ZFR: variants seen among roughly 807,000 people sequenced by gnomAD.
ZFR encodes the protein zinc finger RNA-binding protein.
A neutral mutation model predicts 130.7 loss-of-function variants in ZFR; 19 were observed. The ratio of observed to expected loss-of-function variants is 0.15; its 90% CI spans 0.10 to 0.21. ZFR has a LOEUF of 0.21. ZFR is among the 10% of genes least tolerant of loss of function. The pLI is 1.00. For missense variants in ZFR, 872 were observed against 1,321.5 expected, an observed-to-expected ratio of 0.66 and a Z score of 5.27; for synonymous variants, 466 against 456.9, an observed-to-expected ratio of 1.02 and a Z score of -0.25.
intron 19 of ZFR, among the ~76,000 whole-genome samples, chr5:32,356,665 C>T (rs568390334): frequency 3.8e-4 from 58 of 152,182 alleles, no homozygotes; most frequent in African/African-American, 1.2e-3. Flanking sequence ...GTGATCCGCC[C>T]GCCTCGGCCT....
intron 8 of ZFR, among the ~76,000 whole-genome samples, chr5:32,401,443 G>A (rs1753446319): frequency 6.6e-6 from 1 of 152,164 alleles, no homozygotes; most frequent in Non-Finnish European, 1.5e-5. Context: ...CTTGAACTGG[G>A]ATTTGAAAGA....
intron 19 of ZFR, 42 bp from the exon 20 acceptor site, chr5:32,355,981 C>A: frequency 6.6e-7 from 1 of 1,524,800 alleles, no homozygotes; most frequent in Non-Finnish European, 8.8e-7. Flanking sequence ...ATTGAAAAAC[C>A]CCAAGTAGTA....
chr5:32,420,006 C>G lies in ZFR; in HGVS notation c.235G>C (p.Ala79Pro). ...APVAAHTVTA[A>P]YAPAAATVAV... The stretch of plus-strand genomic sequence containing the variant: ...ACTGTGGCGGCTGCTGGTGCATAGG[C>G]AGCAGTAACTGTGTGAGCAGCTACT... The change falls in exon 3 of 20, where the codon GCC becomes CCC. Residue 79 changes from alanine to proline, a missense_variant. Coordinates refer to ENST00000265069, the MANE Select transcript of ZFR (RefSeq NM_016107.5). 1 of 1,613,814 alleles carries G rather than the reference C, an allele frequency of 6.2e-7. No homozygotes were observed. Among genetic ancestry groups the G allele is most frequent in the South Asian group, 1.1e-5 (1 of 91,060 alleles).
At chr5:32,392,192 C>A (rs920867204) in intron 11 of ZFR, among the ~76,000 whole-genome samples, 1 of 152,194 alleles carries the variant, frequency 6.6e-6, no homozygotes, top group African/African-American at 2.4e-5. Context: ...TTGCTAACAA[C>A]GTTTAAGTCA....
chr5:32,430,238 G>A (rs1738256543), intron 2 of ZFR, among the ~76,000 whole-genome samples: 1 of 152,030 alleles, frequency 6.6e-6, no homozygotes, highest in African/African-American at 2.4e-5. Flanking sequence ...AAAAGAGATT[G>A]TCAAAACTAA....
chr5:32,423,731 G>A (rs1160078173), intron 2 of ZFR, among the ~76,000 whole-genome samples: 2 of 151,914 alleles, frequency 1.3e-5, no homozygotes, highest in Non-Finnish European at 2.9e-5. Flanking sequence ...AAAACAGAGT[G>A]AAAAAAACAA....
At position 32,403,320 on chromosome 5, in the gene ZFR, TGAA is replaced by T. The variant is rs1462039778; in HGVS notation, c.1299_1301del (p.Ser434del). ...TCGGCTTTGAAGCAGATACAGCTGT[TGAA>T]GAAGTAGCTTGGCTAACAACATTTG... On this transcript the variant is annotated inframe_deletion, in exon 8 of 20. Coordinates refer to ENST00000265069, the MANE Select transcript of ZFR (RefSeq NM_016107.5). 1.9e-6 allele frequency: 3 copies of T among 1,614,110 alleles called. No individual in the cohort carries two copies. The highest frequency in any genetic ancestry group is 1.3e-5 in the African/African-American group (1 of 74,950).
At chr5:32,444,104 G>C (rs945998714) in intron 2 of ZFR, 125 bp downstream of exon 2, 1 of 995,784 alleles carries the variant, frequency 1.0e-6, no homozygotes, top group South Asian at 2.6e-5. Flanking sequence ...GGGCTGGGCC[G>C]GGCCAGGCCT....
chr5:32,442,883 C>T (rs571477698), intron 2 of ZFR, among the ~76,000 whole-genome samples: 14 of 152,260 alleles, frequency 9.2e-5, no homozygotes, highest in African/African-American at 3.1e-4. Context: ...GAAAACCCAA[C>T]TATATGATGT....
chr5:32,425,642 C>T (rs1426680415), intron 2 of ZFR, among the ~76,000 whole-genome samples: 1 of 152,216 alleles, frequency 6.6e-6, no homozygotes, highest in Non-Finnish European at 1.5e-5. Flanking sequence ...TTTTCCCTGC[C>T]TCAGCCACCC....
intron 11 of ZFR, chr5:32,394,395 C>A (rs1190752232): frequency 5.9e-6 from 1 of 169,298 alleles, no homozygotes. Context: ...CAAAAATAAT[C>A]GCGGTTTATA....
intron 2 of ZFR, among the ~76,000 whole-genome samples, chr5:32,438,729 ACT>A (rs1754396766): frequency 6.9e-6 from 1 of 145,772 alleles, no homozygotes; most frequent in Non-Finnish European, 1.5e-5. Context: ...AGATTATGAA[ACT>A]CTCTATATAA....
intron 13 of ZFR, 103 bp downstream of exon 13, chr5:32,388,366 A>T: frequency 9.0e-7 from 1 of 1,110,396 alleles, no homozygotes; most frequent in Non-Finnish European, 1.3e-6. Flanking sequence ...TAAAACACAT[A>T]GAACTCACAC....
intron 8 of ZFR, among the ~76,000 whole-genome samples, chr5:32,402,634 T>G (rs1455427727): frequency 1.3e-5 from 2 of 148,400 alleles, no homozygotes; most frequent in African/African-American, 2.5e-5. Context: ...AAAAACTGGC[T>G]GTGTGTGATG....
intron 2 of ZFR, among the ~76,000 whole-genome samples, chr5:32,440,748 T>G (rs886895413): frequency 2.0e-5 from 3 of 152,072 alleles, no homozygotes; most frequent in Non-Finnish European, 4.4e-5. Context: ...CACAAAATTG[T>G]CTAATATGCA....
intron 17 of ZFR, among the ~76,000 whole-genome samples, chr5:32,372,855 C>CA (rs1421466404): frequency 6.6e-6 from 1 of 151,026 alleles, no homozygotes; most frequent in Non-Finnish European, 1.5e-5. Context: ...ACAAAACAAA[C>CA]AAAAAAAGGA....
In ZFR at chr5:32,399,273, TCAAACA is replaced by T. The variant is rs1389402184; in HGVS notation, c.1713+728_1713+733del. Among the ~76,000 whole-genome samples the T allele has an allele frequency of 4.6e-3, 420 of 92,298 alleles. 1 individual carries two copies. The highest frequency in any genetic ancestry group is 0.014 in the African/African-American group (387 of 27,788). The allele number at this position is 92,298 out of a possible 152,430, so 60.6% of individuals were successfully genotyped here. A position where few individuals can be genotyped will look rare whatever the true frequency, so the allele number is the denominator to read the frequency against. On this transcript the variant is annotated intron_variant, in intron 9 of 19. Coordinates refer to ENST00000265069, the MANE Select transcript of ZFR (RefSeq NM_016107.5). ...CTGGGTGGCAGAATAAGACTCTGTCTCAAACAAAAACAAAAACAAAAACAAAAACAA... is the reference window on the plus strand; with the variant it reads ...CTGGGTGGCAGAATAAGACTCTGTCTAAAACAAAAACAAAAACAAAAACAA...
intron 14 of ZFR, 151 bp from the exon 15 acceptor site, chr5:32,385,800 C>G: frequency 1.5e-6 from 1 of 684,152 alleles, no homozygotes. Context: ...CCCTGCCGTA[C>G]ATGCCAGTAT....
intron 2 of ZFR, among the ~76,000 whole-genome samples, chr5:32,438,252 AATT>A (rs1754385091): frequency 3.6e-5 from 3 of 83,468 alleles, no homozygotes; most frequent in Non-Finnish European, 7.2e-5. Flanking sequence ...TTTATCTGAA[AATT>A]TTTTTTTTTT....
Sources: gnomAD v4.1 joint callset for allele counts (sites outside exome capture counted in the v4.1 genomes callset) on GRCh38, gnomAD v4.1.1 for gene constraint, MANE v1.5 for transcripts, NCBI Gene and HGNC (gene_info 2026-07-23, HGNC 2026-07-21) for gene names.